Variants in UBE2G2 observed in about 807,000 individuals in gnomAD.
UBE2G2 encodes ubiquitin-conjugating enzyme E2 G2.
UBE2G2 carries 10 observed loss-of-function variants against 23.0 expected under a neutral mutation model. The observed-to-expected ratio is 0.43, with a 90% CI of 0.27 to 0.74. The LOEUF (loss-of-function observed/expected upper bound fraction) is 0.74. UBE2G2 is among the 30% of genes least tolerant of loss of function. The pLI, the probability that UBE2G2 is intolerant of heterozygous loss-of-function variation, is 0.19. For synonymous variants in UBE2G2, 86 were observed against 81.3 expected (o/e 1.06, Z -0.31); for missense variants, 150 against 218.3 (o/e 0.69, Z 1.97).
At position 44,773,653 on chromosome 21, in the gene UBE2G2, G is replaced by C. The variant is rs782732183; in HGVS notation, c.279C>G (p.Leu93=). Residue 93 remains leucine (L), a synonymous_variant, in exon 5 of 6, where the codon CTC becomes CTG. Transcript: ENST00000345496. ...YPDGRVCISI[L]HAPGDDPMGY... is the part of the protein sequence containing the mutation. ...CCATGGGGTCATCGCCTGGCGCGTGGAGGATGGAAATGCAGACTCTCCCAT... is the reference window on the plus strand; with the variant it reads ...CCATGGGGTCATCGCCTGGCGCGTGCAGGATGGAAATGCAGACTCTCCCAT... 1.2e-6 allele frequency: 2 copies of C among 1,612,826 alleles called. No individual in the cohort carries two copies. The highest frequency in any genetic ancestry group is 2.2e-5 in the South Asian group (2 of 91,084).
At chr21:44,795,559 G>A (rs923785072) in intron 1 of UBE2G2, among the ~76,000 whole-genome samples, 13 of 151,830 alleles carry the variant, frequency 8.6e-5, no homozygotes, top group African/African-American at 2.7e-4. Flanking sequence ...TTGAGCCTAG[G>A]AGGCAGAGGC....
At chr21:44,787,049 G>A (rs1397596956) in intron 3 of UBE2G2, among the ~76,000 whole-genome samples, 1 of 150,594 alleles carries the variant, frequency 6.6e-6, no homozygotes, top group East Asian at 1.9e-4. Context: ...CCAAGGTTGT[G>A]CCACCGCACT....
intron 3 of UBE2G2, among the ~76,000 whole-genome samples, chr21:44,780,106 C>T (rs113593595): frequency 0.015 from 2,254 of 152,308 alleles, 30 homozygotes; most frequent in Middle Eastern, 0.024. Flanking sequence ...TTTTAATCCA[C>T]CAGGTCGTTC....
At chr21:44,796,599 C>T (rs1601199210) in intron 1 of UBE2G2, among the ~76,000 whole-genome samples, 1 of 152,318 alleles carries the variant, frequency 6.6e-6, no homozygotes, top group East Asian at 1.9e-4. Flanking sequence ...ACAAAGTCCC[C>T]TCAATAACAC....
At chr21:44,779,477 C>T (rs1397046367) in intron 3 of UBE2G2, among the ~76,000 whole-genome samples, 3 of 151,786 alleles carry the variant, frequency 2.0e-5, no homozygotes, top group Non-Finnish European at 4.4e-5. Flanking sequence ...GTACAACAGC[C>T]GCGCTGGAGA....
intron 3 of UBE2G2, chr21:44,779,260 T>C (rs1555960987): frequency 1.2e-5 from 5 of 421,984 alleles, no homozygotes; most frequent in Non-Finnish European, 2.3e-5. Flanking sequence ...GATTGCTTCA[T>C]GGAGACAAGA....
intron 1 of UBE2G2, among the ~76,000 whole-genome samples, chr21:44,791,379 C>A (rs1422055847): frequency 1.3e-5 from 2 of 152,108 alleles, no homozygotes; most frequent in Non-Finnish European, 2.9e-5. Flanking sequence ...TGGGCCAGGC[C>A]CAGCCCCGCT....
intron 3 of UBE2G2, among the ~76,000 whole-genome samples, chr21:44,780,688 G>A (rs1370707774): frequency 6.6e-6 from 1 of 152,178 alleles, no homozygotes; most frequent in African/African-American, 2.4e-5. Flanking sequence ...AAACACCCAT[G>A]GCCTACTCCT....
chr21:44,799,386 C>T (rs1383529120), intron 1 of UBE2G2, among the ~76,000 whole-genome samples: 13 of 152,220 alleles, frequency 8.5e-5, no homozygotes, highest in Non-Finnish European at 1.5e-4. Flanking sequence ...GGCTATTTTA[C>T]GTACCTTGTA....
intron 1 of UBE2G2, among the ~76,000 whole-genome samples, chr21:44,793,744 C>T (rs1401462532): frequency 2.6e-5 from 4 of 152,198 alleles, no homozygotes; most frequent in African/African-American, 9.6e-5. Flanking sequence ...ATAGCTACCA[C>T]ACAAAGTGAA....
chr21:44,800,115 TAA>T (rs2146411092), intron 1 of UBE2G2: 1 of 152,318 alleles, frequency 6.6e-6, no homozygotes, highest in East Asian at 1.9e-4. Context: ...GATTAAAATG[TAA>T]GAGAGAGACA....
intron 1 of UBE2G2, among the ~76,000 whole-genome samples, chr21:44,788,297 TG>T (rs1360455608): frequency 8.8e-5 from 13 of 147,970 alleles, no homozygotes; most frequent in South Asian, 4.4e-4. Flanking sequence ...GTTTTTTTTT[TG>T]TTTTTTTTTG....
chr21:44,783,234 C>T (rs1359721505), intron 3 of UBE2G2, among the ~76,000 whole-genome samples: 2 of 152,166 alleles, frequency 1.3e-5, no homozygotes, highest in African/African-American at 4.8e-5. Flanking sequence ...CACTTTACAC[C>T]CACAAGAACA....
intron 3 of UBE2G2, among the ~76,000 whole-genome samples, chr21:44,780,724 A>C (rs1555961215): frequency 2.6e-5 from 4 of 152,230 alleles, no homozygotes; most frequent in African/African-American, 9.6e-5. Context: ...CTCCTCACAA[A>C]GGACAACTGC....
At chr21:44,775,984 A>G (rs897841193) in intron 4 of UBE2G2, among the ~76,000 whole-genome samples, 3 of 152,198 alleles carry the variant, frequency 2.0e-5, no homozygotes, top group Admixed American at 2.0e-4. Flanking sequence ...ATAAGAAAAG[A>G]AGTACCAAAT....
At chr21:44,791,463 C>T (rs2083044169) in intron 1 of UBE2G2, among the ~76,000 whole-genome samples, 1 of 152,186 alleles carries the variant, frequency 6.6e-6, no homozygotes, top group Non-Finnish European at 1.5e-5. Flanking sequence ...CTAAAAAGGG[C>T]CAAGGTACAG....
At chr21:44,794,707 T>C (rs111354779) in intron 1 of UBE2G2, among the ~76,000 whole-genome samples, 31,658 of 151,928 alleles carry the variant, frequency 0.21, 3,511 homozygotes, top group Middle Eastern at 0.29. Context: ...GCTAATTTTT[T>C]GTATTTTTAG....
At chr21:44,795,873 CAG>C (rs2083084737) in intron 1 of UBE2G2, among the ~76,000 whole-genome samples, 2 of 152,186 alleles carry the variant, frequency 1.3e-5, no homozygotes, top group African/African-American at 4.8e-5. Flanking sequence ...GACATGCACA[CAG>C]GGGGAAGATG....
At position 44,795,325 on chromosome 21, in the gene UBE2G2, T is replaced by C. The variant is rs80215998; in HGVS notation, c.43+6381A>G. ...CTCAGTAAGACTGCTATACACCCAATAGAATGGCTAAAATTTTTAAAACTG... is the reference window on the plus strand; with the variant it reads ...CTCAGTAAGACTGCTATACACCCAACAGAATGGCTAAAATTTTTAAAACTG... On this transcript the variant is annotated intron_variant, in intron 1 of 5. Coordinates refer to ENST00000345496, the MANE Select transcript of UBE2G2 (RefSeq NM_003343.6). Among the ~76,000 whole-genome samples, 1,273 of 151,494 alleles carry C rather than the reference T, an allele frequency of 8.4e-3. 8 individuals carry two copies. Among genetic ancestry groups the C allele is most frequent in the Middle Eastern group, 0.037 (11 of 294 alleles).
Sources: allele counts gnomAD v4.1 joint callset (sites outside exome capture counted in the v4.1 genomes callset), GRCh38; gene constraint gnomAD v4.1.1; transcripts MANE v1.5; gene names NCBI Gene and HGNC (gene_info 2026-07-23, HGNC 2026-07-21).